Variants in PELP1 observed in about 807,000 individuals in gnomAD.
The protein encoded by PELP1 is proline, glutamate and leucine rich protein 1.
In PELP1, 32 loss-of-function variants were observed where a neutral mutation model predicts 95.5. That is an observed-to-expected ratio of 0.34 (90% CI 0.25 to 0.45). PELP1 has a LOEUF of 0.45. Ranked by LOEUF, PELP1 falls within the 20% of genes least tolerant of loss-of-function variation. The pLI is 1.00. For synonymous variants in PELP1, 668 were observed against 600.1 expected, an observed-to-expected ratio of 1.11 and a Z score of -1.65; for missense variants, 1,358 against 1,444.8, an observed-to-expected ratio of 0.94 and a Z score of 0.97.
At position 4,694,934 on chromosome 17, in the gene PELP1, G is replaced by A. The variant is rs145510346; in HGVS notation, c.250-3492C>T. ...GAACCCGGGAGAATCGCTTGAACCC[G>A]GGAGAATCGCTTGAACCCAGGATGC... On this transcript the variant is annotated intron_variant, in intron 1 of 16. Coordinates refer to ENST00000572293, the MANE Select transcript of PELP1 (RefSeq NM_014389.3). Among the ~76,000 whole-genome samples the A allele has an allele frequency of 9.2e-4, 140 of 151,482 alleles. 1 individual carries two copies. Among genetic ancestry groups the A allele is most frequent in the South Asian group, 1.9e-3 (9 of 4,778 alleles).
chr17:4,703,173 G>C (rs1297660141), intron 1 of PELP1, among the ~76,000 whole-genome samples: 4 of 152,086 alleles, frequency 2.6e-5, no homozygotes, highest in Non-Finnish European at 4.4e-5. Context: ...AGTCTCATCT[G>C]TACCCACTCT....
chr17:4,679,634 T>C (rs1296222959), intron 5 of PELP1, among the ~76,000 whole-genome samples: 2 of 152,222 alleles, frequency 1.3e-5, no homozygotes, highest in African/African-American at 4.8e-5. Flanking sequence ...GCCTGTGTCA[T>C]TTGAGAGGTT....
chr17:4,686,415 G>C (rs1336687719), intron 3 of PELP1, among the ~76,000 whole-genome samples: 1 of 152,154 alleles, frequency 6.6e-6, no homozygotes, highest in Admixed American at 6.5e-5. Context: ...AAGCTACTAT[G>C]AATGTTCTCC....
intron 1 of PELP1, 104 bp from the exon 2 acceptor site, chr17:4,691,546 G>A: frequency 1.1e-6 from 1 of 871,482 alleles, no homozygotes; most frequent in East Asian, 2.4e-5. Context: ...CCTTTCTGAA[G>A]TCACATCTCC....
At position 4,703,125 on chromosome 17, in the gene PELP1, C is replaced by G. The variant is rs554310768; in HGVS notation, c.249+738G>C. Among the ~76,000 whole-genome samples the G allele has an allele frequency of 6.6e-5, 10 of 152,244 alleles. No homozygotes were observed. The East Asian group carries it at 1.7e-3, about 26-fold the overall frequency. ...CAAAGGCTCCTAACCCGGCCTAAAA[C>G]GCTCTGCATGACCCGACCACTGCCT... On this transcript the variant is annotated intron_variant, in intron 1 of 16. Transcript: ENST00000572293.
chr17:4,703,079 G>C (rs552024003), intron 1 of PELP1, among the ~76,000 whole-genome samples: 1 of 152,300 alleles, frequency 6.6e-6, no homozygotes, highest in South Asian at 2.1e-4. Flanking sequence ...ATGGTTATCA[G>C]ATTCCATTCT....
intron 7 of PELP1, 88 bp downstream of exon 7, chr17:4,676,269 A>C: frequency 1.3e-6 from 2 of 1,575,506 alleles, no homozygotes; most frequent in South Asian, 2.3e-5. Context: ...CCAAAAACCA[A>C]CTGCCCCATG....
chr17:4,677,229 G>T (rs1424629312), intron 5 of PELP1, among the ~76,000 whole-genome samples: 3 of 152,104 alleles, frequency 2.0e-5, no homozygotes, highest in Non-Finnish European at 4.4e-5. Context: ...GGCAGGACAA[G>T]GTCAAAAAAG....
At chr17:4,683,007 G>C in intron 3 of PELP1, 55 bp from the exon 4 acceptor site, 5 of 1,408,332 alleles carry the variant, frequency 3.6e-6, no homozygotes, top group Non-Finnish European at 4.6e-6. Flanking sequence ...TGTCACCAAA[G>C]AGCAGCAGGA....
At chr17:4,693,893 C>T (rs117081970) in intron 1 of PELP1, among the ~76,000 whole-genome samples, 164 of 152,242 alleles carry the variant, frequency 1.1e-3, no homozygotes, top group Middle Eastern at 3.4e-3. Flanking sequence ...GCATAAAAGG[C>T]CATAAATAGG....
chr17:4,689,914 T>C (rs1913035157), intron 3 of PELP1, among the ~76,000 whole-genome samples: 1 of 152,062 alleles, frequency 6.6e-6, no homozygotes, highest in African/African-American at 2.4e-5. Context: ...TAATCCCAGC[T>C]ACTCAGGAGG....
chr17:4,689,261 C>T (rs754130427), intron 3 of PELP1, among the ~76,000 whole-genome samples: 12 of 152,080 alleles, frequency 7.9e-5, no homozygotes, highest in Non-Finnish European at 1.3e-4. Context: ...TCAGAAAAAC[C>T]CTTCTAGACA....
chr17:4,703,026 AG>A (rs996955364), intron 1 of PELP1, among the ~76,000 whole-genome samples: 2 of 152,206 alleles, frequency 1.3e-5, no homozygotes, highest in African/African-American at 4.8e-5. Flanking sequence ...AGGTGTATGA[AG>A]AAGAGTTTAG....
intron 16 of PELP1, 63 bp downstream of exon 16, chr17:4,671,628 C>T (rs1912204849): frequency 1.9e-6 from 3 of 1,600,654 alleles, no homozygotes; most frequent in African/African-American, 1.3e-5. Flanking sequence ...GAAGCAGCTG[C>T]CACCCCTTCT....
rs530041726 is a variant in PELP1, at chr17:4,683,436, G to T, written c.421-484C>A. Among the ~76,000 whole-genome samples, 11 of 150,962 alleles carry T rather than the reference G, an allele frequency of 7.3e-5. No homozygotes were observed. In the East Asian group the frequency reaches 1.9e-3, roughly 27 times the overall value. ...GGGGTTTCACTATGTTAGCCAGGAT[G>T]GTCTCGATCTCCGACCTCGTGATCT... On this transcript the variant is annotated intron_variant, in intron 3 of 16. Coordinates refer to ENST00000572293, the MANE Select transcript of PELP1 (RefSeq NM_014389.3).
intron 1 of PELP1, 110 bp from the exon 2 acceptor site, chr17:4,691,552 T>C (rs7226084): frequency 0.99 from 794,730 of 799,776 alleles, 395,026 homozygotes; most frequent in East Asian, 1. Context: ...TGAAGTCACA[T>C]CTCCTCTGAG....
In PELP1 at chr17:4,704,114, T is replaced by TC. The variant is rs1913678766; in HGVS notation, c.-4dup. 1 of 1,603,870 alleles carries TC rather than the reference T, an allele frequency of 6.2e-7. No individual in the cohort carries two copies. Among genetic ancestry groups the TC allele is most frequent in the African/African-American group, 1.3e-5 (1 of 74,880 alleles). On this transcript the variant is annotated 5_prime_UTR_variant, in exon 1 of 17. Transcript: ENST00000572293. The stretch of plus-strand genomic sequence containing the variant: ...CCACTCAGAACGGCTGCCGCCATCT[T>TC]CCCCCGGGTTCCAGTGGTGGCGTGG...
At chr17:4,686,612 G>A (rs2150560618) in intron 3 of PELP1, among the ~76,000 whole-genome samples, 1 of 152,246 alleles carries the variant, frequency 6.6e-6, no homozygotes, top group East Asian at 1.9e-4. Context: ...CCATCTCCCG[G>A]GTTAGAGCAA....
intron 3 of PELP1, among the ~76,000 whole-genome samples, chr17:4,688,472 A>G (rs185632449): frequency 4.4e-4 from 67 of 152,306 alleles, no homozygotes; most frequent in African/African-American, 9.1e-4. Flanking sequence ...AAGCTCCTAG[A>G]TCCAATAAAT....
Sources: allele counts gnomAD v4.1 joint callset (sites outside exome capture counted in the v4.1 genomes callset), GRCh38; gene constraint gnomAD v4.1.1; transcripts MANE v1.5; gene names NCBI Gene and HGNC (gene_info 2026-07-23, HGNC 2026-07-21).